Variants in INVS observed in about 807,000 individuals in gnomAD.
INVS encodes inversin.
In INVS, 86 loss-of-function variants were observed where a neutral mutation model predicts 108.8. The ratio of observed to expected loss-of-function variants is 0.79; its 90% confidence interval spans 0.66 to 0.95. The LOEUF is 0.95. Ranked by LOEUF, INVS falls within the 40% of genes least tolerant of loss-of-function variation. The pLI is 0.00. For missense variants in INVS, 1,169 were observed against 1,297.4 expected, an observed-to-expected ratio of 0.90 and a Z score of 1.52; for synonymous variants, 455 against 473.5, an observed-to-expected ratio of 0.96 and a Z score of 0.51.
chr9:100,267,331 G>A (rs944394855), intron 11 of INVS, among the ~76,000 whole-genome samples: 36 of 152,268 alleles, frequency 2.4e-4, no homozygotes, highest in African/African-American at 8.4e-4. Flanking sequence ...AGAGACAGTG[G>A]CAATAACTCA....
At chr9:100,154,284 G>C (rs922284429) in intron 3 of INVS, among the ~76,000 whole-genome samples, 7 of 149,734 alleles carry the variant, frequency 4.7e-5, no homozygotes, top group Non-Finnish European at 8.9e-5. Context: ...CCCACCTTAG[G>C]CTCCTGAGTA....
At chr9:100,179,023 A>T (rs12379553) in intron 3 of INVS, among the ~76,000 whole-genome samples, 1 of 152,080 alleles carries the variant, frequency 6.6e-6, no homozygotes, top group Admixed American at 6.5e-5. Flanking sequence ...ACAGAATTTC[A>T]TATCCAGCCA....
chr9:100,149,304 A>C (rs1362586417), intron 3 of INVS, among the ~76,000 whole-genome samples: 1 of 151,988 alleles, frequency 6.6e-6, no homozygotes, highest in East Asian at 1.9e-4. Flanking sequence ...GACATTTGTG[A>C]TGCCCACATT....
intron 11 of INVS, among the ~76,000 whole-genome samples, chr9:100,265,192 C>T (rs1832751844): frequency 6.6e-6 from 1 of 152,086 alleles, no homozygotes; most frequent in African/African-American, 2.4e-5. Flanking sequence ...ATCCACCCAC[C>T]TCGGCCTCCC....
Position 100,242,555 on chromosome 9 carries a change from T to G in INVS, c.797-15T>G. On this transcript the variant is annotated splice_polypyrimidine_tract_variant and intron_variant, in intron 6 of 16. Coordinates refer to ENST00000262457, the MANE Select transcript of INVS (RefSeq NM_014425.5). ...CCTTTATAAGTGATAATTACCTTTT[T>G]GTGTCTTTTCTCAGGCCATGCACAG... 2 of 1,325,112 alleles carry G rather than the reference T, an allele frequency of 1.5e-6. No homozygotes were observed. Among genetic ancestry groups the G allele is most frequent in the Non-Finnish European group, 2.2e-6 (2 of 916,800 alleles). The allele number at this position is 1,325,112 out of a possible 1,614,324, so 82.1% of individuals were successfully genotyped here.
intron 3 of INVS, among the ~76,000 whole-genome samples, chr9:100,155,971 T>C (rs748919219): frequency 6.6e-6 from 1 of 152,190 alleles, no homozygotes; most frequent in Non-Finnish European, 1.5e-5. Flanking sequence ...ACTAACCCCA[T>C]GAAGGATCAC....
chr9:100,161,792 AC>A (rs1377880216), intron 3 of INVS, among the ~76,000 whole-genome samples: 1 of 152,168 alleles, frequency 6.6e-6, no homozygotes, highest in Non-Finnish European at 1.5e-5. Flanking sequence ...AATGAGTTAG[AC>A]TTAAATCTTG....
chr9:100,160,190 G>A (rs1829124483), intron 3 of INVS, among the ~76,000 whole-genome samples: 1 of 152,186 alleles, frequency 6.6e-6, no homozygotes, highest in African/African-American at 2.4e-5. Flanking sequence ...CTCTACGCAT[G>A]GAGGATTCTT....
At chr9:100,175,151 T>C in intron 3 of INVS, 1 of 381,944 alleles carries the variant, frequency 2.6e-6, no homozygotes, top group Non-Finnish European at 5.0e-6. Flanking sequence ...GCTCTTAAAT[T>C]TTTTCCTCCC....
At chr9:100,239,097 G>A (rs144563799) in intron 5 of INVS, among the ~76,000 whole-genome samples, 4 of 152,184 alleles carry the variant, frequency 2.6e-5, no homozygotes, top group Non-Finnish European at 1.5e-5. Context: ...ATACCTGTTT[G>A]AAGATATCCT....
At chr9:100,151,320 T>A (rs949932778) in intron 3 of INVS, among the ~76,000 whole-genome samples, 27 of 151,874 alleles carry the variant, frequency 1.8e-4, no homozygotes, top group African/African-American at 5.1e-4. Context: ...TACAAAAAAA[T>A]TTTTAAAAAT....
At chr9:100,262,028 A>C (rs1332512176) in intron 10 of INVS, among the ~76,000 whole-genome samples, 1 of 148,288 alleles carries the variant, frequency 6.7e-6, no homozygotes, top group African/African-American at 2.6e-5. Context: ...ATGGCAAATT[A>C]CATTGACTGA....
intron 14 of INVS, among the ~76,000 whole-genome samples, chr9:100,293,642 A>G (rs1270604111): frequency 1.3e-5 from 2 of 152,222 alleles, no homozygotes; most frequent in Non-Finnish European, 2.9e-5. Flanking sequence ...AATACATAGT[A>G]GGCACTGGGA....
intron 3 of INVS, among the ~76,000 whole-genome samples, chr9:100,194,101 G>A (rs757326898): frequency 6.6e-6 from 1 of 152,192 alleles, no homozygotes; most frequent in Admixed American, 6.5e-5. Flanking sequence ...TAATGGCTGG[G>A]TCATATAGCA....
intron 3 of INVS, among the ~76,000 whole-genome samples, chr9:100,173,689 C>T (rs1428990198): frequency 6.6e-6 from 1 of 152,078 alleles, no homozygotes; most frequent in African/African-American, 2.4e-5. Context: ...AGATCATGTC[C>T]TTGCACTCCA....
At chr9:100,249,183 T>C (rs1832142485) in intron 8 of INVS, among the ~76,000 whole-genome samples, 1 of 152,102 alleles carries the variant, frequency 6.6e-6, no homozygotes, top group Non-Finnish European at 1.5e-5. Flanking sequence ...GGTTGAGTGG[T>C]TCTGACTAAA....
rs1831913000 is a variant in INVS, at chr9:100,242,587, C to T, written c.814C>T (p.His272Tyr). 1.9e-6 allele frequency: 3 copies of T among 1,601,032 alleles called. No homozygotes were observed. The highest frequency in any genetic ancestry group is 2.6e-6 in the Non-Finnish European group (3 of 1,168,442). Residue 272 changes from histidine (H) to tyrosine (Y), a missense_variant, in exon 7 of 17, where the codon CAT becomes TAT. Physicochemically the swap from His to Tyr is moderately conservative, Grantham distance 83. Transcript: ENST00000262457. ...TTTCTCAGGCCATGCACAGATTGTCCATCTCCTTTTAGAAAGAAATAAGTC... is the reference window on the plus strand; with the variant it reads ...TTTCTCAGGCCATGCACAGATTGTCTATCTCCTTTTAGAAAGAAATAAGTC... ...AALLGHAQIV[H>Y]LLLERNKSGT...
At chr9:100,193,483 T>C (rs1315424916) in intron 3 of INVS, among the ~76,000 whole-genome samples, 5 of 152,194 alleles carry the variant, frequency 3.3e-5, no homozygotes, top group Admixed American at 2.0e-4. Flanking sequence ...GTAATTGATA[T>C]GTAACAAATT....
chr9:100,281,831 C>T (rs1183390760), intron 12 of INVS, among the ~76,000 whole-genome samples: 1 of 151,816 alleles, frequency 6.6e-6, no homozygotes, highest in Non-Finnish European at 1.5e-5. Context: ...TCCCCTGTTC[C>T]TCATGTGGCT....
Sources: allele counts gnomAD v4.1 joint callset (sites outside exome capture counted in the v4.1 genomes callset), GRCh38; gene constraint gnomAD v4.1.1; transcripts MANE v1.5; gene names NCBI Gene and HGNC (gene_info 2026-07-23, HGNC 2026-07-21).